Variants in MIPOL1 observed in about 807,000 individuals in gnomAD.
The protein encoded by MIPOL1 is mirror-image polydactyly gene 1 protein.
MIPOL1 carries 57 observed loss-of-function variants against 60.9 expected under a neutral mutation model. That is an observed-to-expected ratio of 0.94 (90% CI 0.76 to 1.17). The LOEUF (loss-of-function observed/expected upper bound fraction) is 1.17, where lower values mean the gene tolerates loss of function less well. Ranked by LOEUF, MIPOL1 falls within the 50% of genes most tolerant of loss-of-function variation. The pLI is 0.00. For synonymous variants in MIPOL1, 179 were observed against 168.8 expected (o/e 1.06, Z -0.47); for missense variants, 551 against 511.6 (o/e 1.08, Z -0.74).
intron 1 of MIPOL1, among the ~76,000 whole-genome samples, chr14:37,232,746 A>T (rs947820133): frequency 6.6e-6 from 1 of 152,176 alleles, no homozygotes; most frequent in Non-Finnish European, 1.5e-5. Flanking sequence ...CATAAGTATC[A>T]TGTCAGTTGG....
intron 7 of MIPOL1, among the ~76,000 whole-genome samples, chr14:37,292,172 G>A (rs972903834): frequency 1.1e-4 from 16 of 151,878 alleles, no homozygotes; most frequent in African/African-American, 2.9e-4. Context: ...TGATCCGCCC[G>A]CTTTGGCTTC....
At chr14:37,346,883 C>T (rs1321044435) in intron 9 of MIPOL1, among the ~76,000 whole-genome samples, 2 of 151,958 alleles carry the variant, frequency 1.3e-5, no homozygotes, top group Non-Finnish European at 2.9e-5. Flanking sequence ...TGTCTCTGGC[C>T]AAGACATAGC....
Position 37,341,827 on chromosome 14 carries a change from A to G in MIPOL1, c.829-27690A>G, listed in dbSNP as rs946831007. Reference sequence around the variant, plus strand: ...TCCTTTTGCTATTGTACATGTATACATACAGTAAAAATTTGTTGACAACTG... The same window carrying G: ...TCCTTTTGCTATTGTACATGTATACGTACAGTAAAAATTTGTTGACAACTG... On this transcript the variant is annotated intron_variant, in intron 9 of 12. Transcript: ENST00000684589. Among the ~76,000 whole-genome samples, 5 of 152,250 alleles carry G rather than the reference A, an allele frequency of 3.3e-5. No individual in the cohort carries two copies. The East Asian group carries it at 9.6e-4, about 29-fold the overall frequency.
intron 11 of MIPOL1, among the ~76,000 whole-genome samples, chr14:37,486,189 G>A (rs189958570): frequency 2.6e-4 from 39 of 151,940 alleles, no homozygotes; most frequent in African/African-American, 7.7e-4. Context: ...TGTTTCATTC[G>A]TCTATATATC....
chr14:37,297,949 A>T (rs1163948368), intron 7 of MIPOL1, among the ~76,000 whole-genome samples: 2 of 152,176 alleles, frequency 1.3e-5, no homozygotes, highest in Non-Finnish European at 2.9e-5. Context: ...GAACTGGAAA[A>T]AACTAAAGTT....
intron 7 of MIPOL1, among the ~76,000 whole-genome samples, chr14:37,298,625 A>C (rs1468037884): frequency 6.6e-6 from 1 of 152,212 alleles, no homozygotes; most frequent in African/African-American, 2.4e-5. Flanking sequence ...ACCCCATCAA[A>C]AAGTGGGCGA....
At chr14:37,252,963 TAGAAAAAA>T (rs1974344066) in intron 3 of MIPOL1, among the ~76,000 whole-genome samples, 1 of 151,792 alleles carries the variant, frequency 6.6e-6, no homozygotes, top group South Asian at 2.1e-4. Flanking sequence ...GATAAGCTGG[TAGAAAAAA>T]AGCTATTTCC....
At chr14:37,283,740 T>A (rs1217983375) in intron 6 of MIPOL1, among the ~76,000 whole-genome samples, 1 of 152,232 alleles carries the variant, frequency 6.6e-6, no homozygotes, top group Non-Finnish European at 1.5e-5. Context: ...TAATTTTTCA[T>A]AACATCATGA....
chr14:37,329,298 A>T (rs1024645729), intron 9 of MIPOL1, among the ~76,000 whole-genome samples: 14 of 152,230 alleles, frequency 9.2e-5, no homozygotes, highest in African/African-American at 3.4e-4. Flanking sequence ...GTGTCCTGAG[A>T]ACTGTCTGAG....
intron 10 of MIPOL1, among the ~76,000 whole-genome samples, chr14:37,406,631 G>A (rs752162819): frequency 1.3e-5 from 2 of 152,110 alleles, no homozygotes; most frequent in Admixed American, 1.3e-4. Context: ...GGACTTTTTT[G>A]AGGAACCCAC....
intron 1 of MIPOL1, among the ~76,000 whole-genome samples, chr14:37,231,451 A>G (rs12882041): frequency 0.012 from 1,878 of 152,286 alleles, 19 homozygotes; most frequent in Non-Finnish European, 0.016. Context: ...TGCCAAAATA[A>G]TGGAAGTTCT....
chr14:37,373,333 G>T (rs2092692143), intron 10 of MIPOL1, among the ~76,000 whole-genome samples: 2 of 151,876 alleles, frequency 1.3e-5, no homozygotes, highest in Admixed American at 6.6e-5. Flanking sequence ...AAATAAATTT[G>T]CATTAGATGT....
intron 11 of MIPOL1, among the ~76,000 whole-genome samples, chr14:37,437,965 C>T (rs573186053): frequency 5.9e-4 from 89 of 152,076 alleles, no homozygotes; most frequent in Non-Finnish European, 1.1e-3. Context: ...ATTTTGTGAA[C>T]ACAATATGCA....
In MIPOL1 at chr14:37,392,141, T is replaced by G. The variant is rs550565650; in HGVS notation, c.936+22517T>G. On this transcript the variant is annotated intron_variant, in intron 10 of 12. Coordinates refer to ENST00000684589, the MANE Select transcript of MIPOL1 (RefSeq NM_001388067.1). ...AACCAGTCTGTATTTACAAAAAAAA[T>G]CCAGTTGGGCTTTTGATAGGAGAAA... Among the ~76,000 whole-genome samples, 11 of 152,260 alleles carry G rather than the reference T, an allele frequency of 7.2e-5. No homozygotes were observed. In the East Asian group the frequency reaches 2.1e-3, roughly 29 times the overall value.
intron 11 of MIPOL1, among the ~76,000 whole-genome samples, chr14:37,477,979 A>T (rs1566676597): frequency 1.3e-5 from 2 of 152,238 alleles, no homozygotes; most frequent in South Asian, 4.1e-4. Flanking sequence ...CAGATGCCCC[A>T]TTGGGAACAA....
intron 1 of MIPOL1, among the ~76,000 whole-genome samples, chr14:37,203,218 T>C (rs1266749935): frequency 1.3e-5 from 2 of 152,218 alleles, no homozygotes; most frequent in Non-Finnish European, 2.9e-5. Flanking sequence ...CAGTTTACTA[T>C]AGTGGAAAGA....
intron 10 of MIPOL1, among the ~76,000 whole-genome samples, chr14:37,380,297 AT>A (rs1383994352): frequency 2.0e-5 from 3 of 151,916 alleles, no homozygotes; most frequent in African/African-American, 7.3e-5. Context: ...CCACAGAATA[AT>A]TTTTTTCTCA....
At chr14:37,385,636 A>G (rs1429475488) in intron 10 of MIPOL1, 1 of 151,982 alleles carries the variant, frequency 6.6e-6, no homozygotes, top group Non-Finnish European at 1.5e-5. Context: ...TATACATTTT[A>G]TCCCTATACA....
intron 11 of MIPOL1, among the ~76,000 whole-genome samples, chr14:37,497,506 A>T (rs531056495): frequency 6.1e-4 from 93 of 152,340 alleles, no homozygotes; most frequent in African/African-American, 2.1e-3. Context: ...AACAATGATA[A>T]ATTGAACTTT....
Sources: allele counts gnomAD v4.1 joint callset (sites outside exome capture counted in the v4.1 genomes callset), GRCh38; gene constraint gnomAD v4.1.1; transcripts MANE v1.5; gene names NCBI Gene and HGNC (gene_info 2026-07-23, HGNC 2026-07-21).